The following SYNE1 variants were observed in gnomAD, a reference collection of about 807,000 sequenced individuals.
SYNE1 encodes spectrin repeat containing nuclear envelope protein 1, also known as nesprin-1.
In SYNE1, 616 loss-of-function variants were observed where a neutral mutation model predicts 1,111.0. The ratio of observed to expected loss-of-function variants is 0.55; its 90% CI spans 0.52 to 0.59. The LOEUF is 0.59. SYNE1 is among the 20% of genes least tolerant of loss of function. SYNE1 has a pLI of 0.00. For synonymous variants in SYNE1, 3,855 were observed against 3,825.8 expected, an observed-to-expected ratio of 1.01 and a Z score of -0.28; for missense variants, 10,006 against 10,417.0, an observed-to-expected ratio of 0.96 and a Z score of 1.72.
At chr6:152,164,126 C>T in intron 131 of SYNE1, 37 bp downstream of exon 131, 4 of 1,613,412 alleles carry the variant, frequency 2.5e-6, no homozygotes, top group Non-Finnish European at 2.5e-6. Context: ...ACAGATATTC[C>T]ATGGCTTATT....
At chr6:152,470,423 G>A (rs966065323) in intron 16 of SYNE1, among the ~76,000 whole-genome samples, 11 of 152,046 alleles carry the variant, frequency 7.2e-5, no homozygotes, top group Non-Finnish European at 1.2e-4. Context: ...AAGAACTAAC[G>A]TAATTGCTTG....
intron 4 of SYNE1, among the ~76,000 whole-genome samples, chr6:152,526,715 T>C: frequency 6.6e-6 from 1 of 152,170 alleles, no homozygotes; most frequent in East Asian, 1.9e-4. Flanking sequence ...TCAATCTTCC[T>C]GTGGGTTAGT....
In SYNE1 at chr6:152,189,295, C is replaced by T. The variant is rs779568455; in HGVS notation, c.23258G>A (p.Arg7753His). 2.7e-5 allele frequency: 43 copies of T among 1,613,810 alleles called. No individual in the cohort carries two copies. The highest frequency in any genetic ancestry group is 1.2e-4 in the Admixed American group (7 of 59,974). The change falls in exon 128 of 146, where the codon CGC becomes CAC. Residue 7753 changes from arginine (R) to histidine (H), a missense_variant. Coordinates refer to ENST00000367255, the MANE Select transcript of SYNE1 (RefSeq NM_182961.4). ...CCACTGCCTTTGCAGAAGCTCTACG[C>T]GTTCATTAAGAATGGAGATATCATC... is the stretch of plus-strand genomic sequence containing the variant. Reference protein sequence around the residue: ...SADDISILNERVELLQRQWEE... With the variant: ...SADDISILNEHVELLQRQWEE...
In SYNE1 at chr6:152,220,923, A is replaced by C; in HGVS notation, c.21780T>G (p.Asp7260Glu). The C allele has an allele frequency of 6.2e-7, 1 of 1,614,148 alleles. No individual in the cohort carries two copies. Among genetic ancestry groups the C allele is most frequent in the African/African-American group, 1.3e-5 (1 of 75,044 alleles). Reference protein sequence around the residue: ...QCASTVQQQEDRTNELLKAAT... With the variant: ...QCASTVQQQEERTNELLKAAT... Reference sequence around the variant, plus strand: ...CTGCCTTCAACAGCTCATTGGTTCGATCCTCCTGCTGCTGAACTGTCGAAG... The same window carrying C: ...CTGCCTTCAACAGCTCATTGGTTCGCTCCTCCTGCTGCTGAACTGTCGAAG... Residue 7260 changes from aspartate to glutamate, a missense_variant, in exon 119 of 146, where the codon GAT becomes GAG. Physicochemically the swap from Asp to Glu is conservative, Grantham distance 45. Transcript: ENST00000367255.
intron 101 of SYNE1, among the ~76,000 whole-genome samples, chr6:152,260,383 G>A (rs1298257837): frequency 6.6e-6 from 1 of 152,136 alleles, no homozygotes; most frequent in African/African-American, 2.4e-5. Context: ...AAAATACAGG[G>A]AGGAGGTCCA....
rs769474313 is a variant in SYNE1, at chr6:152,208,096, C to G, written c.22700G>C (p.Arg7567Pro). ...IIDSQIRQWQ[R>P]YREMAEKLRK... ...AAGCTTTTCTGCCATCTCCCTATAG[C>G]GCTGCCACTGGCGAATCTGGCTGTC... Residue 7567 changes from arginine to proline, a missense_variant, in exon 125 of 146, where the codon CGC becomes CCC. Physicochemically the swap from Arg to Pro is moderately radical, Grantham distance 103 (BLOSUM62 -2). Around this residue, in one of 7 missense-constraint regions of SYNE1, gnomAD observed 2,182 missense variants for 2,287.8 expected, o/e 0.95. Coordinates refer to ENST00000367255, the MANE Select transcript of SYNE1 (RefSeq NM_182961.4). The G allele has an allele frequency of 1.9e-6, 3 of 1,613,982 alleles. No homozygotes were observed. The highest frequency in any genetic ancestry group is 2.5e-6 in the Non-Finnish European group (3 of 1,180,026).
rs1336877085 is a variant in SYNE1 at position 152,390,470 on chromosome 6, A to G, written c.8005-18T>C. On this transcript the variant is annotated intron_variant, in intron 52 of 145. Transcript: ENST00000367255. ...AGAATATCCTGGGAAGGAAGAAAGA[A>G]TACTCATCAGTAGGCATGTAAAAAC... 1 of 1,613,648 alleles carries G rather than the reference A, an allele frequency of 6.2e-7. No homozygotes were observed. The highest frequency in any genetic ancestry group is 8.5e-7 in the Non-Finnish European group (1 of 1,179,848).
chr6:152,439,252 A>T (rs1175257610), intron 32 of SYNE1, among the ~76,000 whole-genome samples: 1 of 152,232 alleles, frequency 6.6e-6, no homozygotes, highest in Non-Finnish European at 1.5e-5. Context: ...ACTTAAACTG[A>T]TCCAAAGGAA....
At position 152,231,555 on chromosome 6, in the gene SYNE1, C is replaced by T. The variant is rs778417284; in HGVS notation, c.20875G>A (p.Asp6959Asn). 6.2e-7 allele frequency: 1 copy of T among 1,613,904 alleles called. No individual in the cohort carries two copies. Among genetic ancestry groups the T allele is most frequent in the South Asian group, 1.1e-5 (1 of 91,060 alleles). ...ACTGTCAGCTGTTTACAGTTAATGT[C>T]TATCTTAAAACCCTAAAAAAAAAGA... is the stretch of plus-strand genomic sequence containing the variant. ...YLQKYKGFKI[D>N]INCKQLTVDF... is the part of the protein sequence containing the mutation. Residue 6959 changes from aspartate to asparagine, a missense_variant, in exon 114 of 146, where the codon GAC (aspartate) becomes AAC (asparagine). Asp to Asn is a conservative substitution (Grantham distance 23). This residue lies in a region of SYNE1 where 2,182 missense variants were observed against 2,287.8 expected (regional missense o/e 0.95). Transcript: ENST00000367255.
At chr6:152,622,972 A>G (rs1400308177) in intron 3 of SYNE1, among the ~76,000 whole-genome samples, 1 of 152,078 alleles carries the variant, frequency 6.6e-6, no homozygotes, top group East Asian at 1.9e-4. Context: ...GACTGTTGTG[A>G]GATGGTTTTG....
At chr6:152,130,901 A>C in intron 144 of SYNE1, 123 bp from the exon 145 acceptor site, 1 of 948,296 alleles carries the variant, frequency 1.1e-6, no homozygotes, top group South Asian at 1.6e-5. Flanking sequence ...TGAAATGATC[A>C]GTACCCATGA....
intron 35 of SYNE1, 132 bp downstream of exon 35, chr6:152,430,350 A>G (rs2098417630): frequency 8.8e-7 from 1 of 1,135,708 alleles, no homozygotes; most frequent in Non-Finnish European, 1.3e-6. Context: ...TTAAACATCT[A>G]AAATCAACAT....
chr6:152,237,257 G>A (rs1378078570), intron 108 of SYNE1, among the ~76,000 whole-genome samples: 4 of 150,942 alleles, frequency 2.7e-5, no homozygotes, highest in African/African-American at 4.9e-5. Context: ...TCTCCATCAT[G>A]AGGATTAAAT....
chr6:152,387,706 G>A (rs1209053135), intron 53 of SYNE1, among the ~76,000 whole-genome samples: 1 of 152,120 alleles, frequency 6.6e-6, no homozygotes, highest in Non-Finnish European at 1.5e-5. Flanking sequence ...ATCAGCATGG[G>A]AACATCAATG....
At position 152,133,293 on chromosome 6, in the gene SYNE1, C is replaced by T. The variant is rs370827602; in HGVS notation, c.25984G>A (p.Val8662Met). 7 of 1,614,138 alleles carry T rather than the reference C, an allele frequency of 4.3e-6. No homozygotes were observed. Among genetic ancestry groups the T allele is most frequent in the South Asian group, 2.2e-5 (2 of 91,074 alleles). ...TTGCTTACCTGCTGACTACTTGACA[C>T]GTCTAATAACTTCTCCAGTTCCTTG... ...HIKELEKLLD[V>M]SSSQQDLSSW... The change falls in exon 143 of 146, where the codon GTG becomes ATG. Residue 8662 changes from valine (V) to methionine (M), a missense_variant. This residue lies in a region of SYNE1 where 761 missense variants were observed against 795.5 expected (regional missense o/e 0.96). Coordinates refer to ENST00000367255, the MANE Select transcript of SYNE1 (RefSeq NM_182961.4).
intron 3 of SYNE1, among the ~76,000 whole-genome samples, chr6:152,580,365 T>C (rs530365325): frequency 1.3e-5 from 2 of 152,310 alleles, no homozygotes; most frequent in East Asian, 3.9e-4. Flanking sequence ...GGTTGTTTAG[T>C]TTTTGCTTGT....
chr6:152,429,737 G>T (rs1281861430), intron 36 of SYNE1, among the ~76,000 whole-genome samples: 1 of 152,116 alleles, frequency 6.6e-6, no homozygotes, highest in Non-Finnish European at 1.5e-5. Context: ...TTAAACATCT[G>T]AGTACAGTGG....
At chr6:152,307,529 A>G (rs2095416925) in intron 91 of SYNE1, among the ~76,000 whole-genome samples, 1 of 152,216 alleles carries the variant, frequency 6.6e-6, no homozygotes, top group Admixed American at 6.5e-5. Flanking sequence ...GCTATGAACC[A>G]GCCCCCAAGG....
intron 93 of SYNE1, among the ~76,000 whole-genome samples, chr6:152,294,697 T>C (rs888805861): frequency 1.3e-5 from 2 of 152,274 alleles, no homozygotes; most frequent in South Asian, 4.1e-4. Context: ...TATAAAGGTT[T>C]TCTATGCATT....
Sources: allele counts gnomAD v4.1 joint callset (sites outside exome capture counted in the v4.1 genomes callset), GRCh38; gene constraint gnomAD v4.1.1; regional missense constraint gnomAD v4.1.1; transcripts MANE v1.5; gene names NCBI Gene and HGNC (gene_info 2026-07-23, HGNC 2026-07-21).